Variants in FOXP1 observed in about 807,000 individuals in gnomAD.
The protein encoded by FOXP1 is forkhead box protein P1.
FOXP1 carries 15 observed loss-of-function variants against 98.2 expected under a neutral mutation model. The observed-to-expected ratio is 0.15, with a 90% CI of 0.10 to 0.24. FOXP1 has a LOEUF of 0.24. Ranked by LOEUF, FOXP1 falls within the 10% of genes least tolerant of loss-of-function variation. The pLI, the probability that FOXP1 is intolerant of heterozygous loss-of-function variation, is 1.00. For missense variants in FOXP1, 633 were observed against 848.5 expected (o/e 0.75, Z 3.15); for synonymous variants, 371 against 314.5 (o/e 1.18, Z -1.90).
intron 9 of FOXP1, 84 bp from the exon 10 acceptor site, chr3:71,047,179 C>G: frequency 6.7e-7 from 1 of 1,500,980 alleles, no homozygotes; most frequent in Non-Finnish European, 9.3e-7. Flanking sequence ...TCACCATCAT[C>G]ATCAAATGCT....
At chr3:71,186,854 A>G (rs2062677873) in intron 6 of FOXP1, among the ~76,000 whole-genome samples, 1 of 152,274 alleles carries the variant, frequency 6.6e-6, no homozygotes, top group Admixed American at 6.5e-5. Context: ...ATCTTGTCAC[A>G]TCTGCCATTC....
intron 2 of FOXP1, among the ~76,000 whole-genome samples, chr3:71,510,895 C>T (rs1409883053): frequency 4.6e-5 from 7 of 152,248 alleles, no homozygotes; most frequent in Non-Finnish European, 8.8e-5. Flanking sequence ...TCTTGAACCA[C>T]GGCCTATAAT....
Position 71,270,038 on chromosome 3 carries a change from CTG to C in FOXP1, c.-12+29780_-12+29781del, listed in dbSNP as rs1470895393. Among the ~76,000 whole-genome samples the C allele has an allele frequency of 1.4e-4, 21 of 152,192 alleles. 1 individual carries two copies. Among genetic ancestry groups the C allele is most frequent in the Non-Finnish European group, 1.6e-4 (11 of 68,032 alleles). ...GTGCTGGAGTGGGTTCGGTTTGTCA[CTG>C]TGTTTAACCACCGCTCTGAAGCCAG... On this transcript the variant is annotated intron_variant, in intron 5 of 20. Transcript: ENST00000649528.
At chr3:71,526,618 T>C (rs1035359217) in intron 2 of FOXP1, among the ~76,000 whole-genome samples, 2 of 152,178 alleles carry the variant, frequency 1.3e-5, no homozygotes, top group East Asian at 3.9e-4. Context: ...ACTGTGGGAG[T>C]GTACTGCATC....
intron 19 of FOXP1, chr3:70,966,274 C>G: frequency 1.7e-6 from 1 of 575,800 alleles, no homozygotes; most frequent in South Asian, 1.9e-5. Context: ...CCAGGGGGGA[C>G]CAAGTGCCTG....
At chr3:71,202,707 A>C (rs2063751888) in intron 5 of FOXP1, among the ~76,000 whole-genome samples, 1 of 152,248 alleles carries the variant, frequency 6.6e-6, no homozygotes, top group Non-Finnish European at 1.5e-5. Flanking sequence ...GGTAGTGGAT[A>C]ATGAAATTAA....
intron 4 of FOXP1, among the ~76,000 whole-genome samples, chr3:71,319,003 G>GAATA (rs2075244070): frequency 6.6e-6 from 1 of 152,166 alleles, no homozygotes; most frequent in South Asian, 2.1e-4. Context: ...TAGAATTACA[G>GAATA]GGTACCCCAA....
chr3:71,399,255 T>C (rs2081783672), intron 3 of FOXP1, among the ~76,000 whole-genome samples: 1 of 152,134 alleles, frequency 6.6e-6, no homozygotes, highest in Admixed American at 6.5e-5. Flanking sequence ...TGTGTGTATA[T>C]ACACACAAAA....
chr3:71,541,171 C>A (rs905259527), intron 2 of FOXP1, among the ~76,000 whole-genome samples: 1 of 152,200 alleles, frequency 6.6e-6, no homozygotes, highest in African/African-American at 2.4e-5. Context: ...TCCAAGCTTT[C>A]AATTATTAGG....
At chr3:71,226,543 C>T (rs985192758) in intron 5 of FOXP1, among the ~76,000 whole-genome samples, 3 of 133,452 alleles carry the variant, frequency 2.2e-5, no homozygotes, top group Non-Finnish European at 3.5e-5. Flanking sequence ...TATTGCTTCC[C>T]GGGGTTCTCT....
chr3:71,572,323 T>C (rs2107811782), intron 2 of FOXP1: 1 of 152,362 alleles, frequency 6.6e-6, no homozygotes, highest in South Asian at 2.1e-4. Flanking sequence ...GAACAAATTA[T>C]GAAGTTCCAG....
intron 5 of FOXP1, among the ~76,000 whole-genome samples, chr3:71,270,378 A>G (rs1042709838): frequency 6.6e-6 from 1 of 152,204 alleles, no homozygotes; most frequent in Non-Finnish European, 1.5e-5. Context: ...CCACAGCAAC[A>G]CAAGTGACTG....
At chr3:71,547,642 A>T (rs745353072) in intron 2 of FOXP1, among the ~76,000 whole-genome samples, 2 of 152,232 alleles carry the variant, frequency 1.3e-5, no homozygotes, top group Non-Finnish European at 2.9e-5. Flanking sequence ...CAAGGCAGAG[A>T]AGAATGTGAA....
intron 2 of FOXP1, among the ~76,000 whole-genome samples, chr3:71,527,205 A>G (rs997428772): frequency 6.6e-6 from 1 of 152,188 alleles, no homozygotes; most frequent in African/African-American, 2.4e-5. Flanking sequence ...CAGAGCAGCC[A>G]GTCAAAACAG....
intron 6 of FOXP1, among the ~76,000 whole-genome samples, chr3:71,134,226 A>C (rs2059710241): frequency 6.6e-6 from 1 of 152,198 alleles, no homozygotes; most frequent in Admixed American, 6.5e-5. Flanking sequence ...CAGCCAAAAT[A>C]ATTATTCAAA....
intron 5 of FOXP1, among the ~76,000 whole-genome samples, chr3:71,220,593 C>CAA (rs200172183): frequency 7.2e-4 from 107 of 147,716 alleles, no homozygotes; most frequent in African/African-American, 2.5e-3. Context: ...ATCAAAAATA[C>CAA]AAAAAAAAAA....
intron 6 of FOXP1, among the ~76,000 whole-genome samples, chr3:71,139,098 T>C (rs1332002883): frequency 6.6e-6 from 1 of 152,202 alleles, no homozygotes; most frequent in Admixed American, 6.5e-5. Context: ...GGAAATTTTC[T>C]TTTATGATTA....
chr3:71,085,434 A>G (rs992015247), intron 7 of FOXP1, among the ~76,000 whole-genome samples: 8 of 151,718 alleles, frequency 5.3e-5, no homozygotes, highest in African/African-American at 1.5e-4. Context: ...CACAGGTGTG[A>G]GCTACTACGC....
At chr3:71,353,094 T>A (rs2077905960) in intron 4 of FOXP1, among the ~76,000 whole-genome samples, 1 of 152,194 alleles carries the variant, frequency 6.6e-6, no homozygotes, top group Non-Finnish European at 1.5e-5. Context: ...CTGGGAAAGC[T>A]GGCATTAAAA....
Sources: gnomAD v4.1 joint callset for allele counts (sites outside exome capture counted in the v4.1 genomes callset) on GRCh38, gnomAD v4.1.1 for gene constraint, MANE v1.5 for transcripts, NCBI Gene and HGNC (gene_info 2026-07-23, HGNC 2026-07-21) for gene names.